The following USP3 variants were observed in gnomAD, a reference collection of about 807,000 sequenced individuals.
USP3 encodes ubiquitin carboxyl-terminal hydrolase 3.
In USP3, 20 loss-of-function variants were observed where a neutral mutation model predicts 72.3. That is an observed-to-expected ratio of 0.28 (90% CI 0.19 to 0.40). USP3 has a LOEUF of 0.40. USP3 is among the 10% of genes least tolerant of loss of function. The probability of loss-of-function intolerance (pLI) is 1.00; values close to 1 mark genes in which losing one functional copy is unlikely to be tolerated. For synonymous variants in USP3, 222 were observed against 225.3 expected (o/e 0.99, Z 0.13); for missense variants, 479 against 633.9 (o/e 0.76, Z 2.62).
chr15:63,585,237 A>G (rs1312771678), intron 11 of USP3, among the ~76,000 whole-genome samples: 2 of 152,158 alleles, frequency 1.3e-5, no homozygotes, highest in Non-Finnish European at 2.9e-5. Flanking sequence ...TGTGAGTTTC[A>G]GGATGGGTTT....
intron 8 of USP3, among the ~76,000 whole-genome samples, chr15:63,567,144 T>C (rs1312137732): frequency 6.6e-6 from 1 of 152,182 alleles, no homozygotes; most frequent in Non-Finnish European, 1.5e-5. Flanking sequence ...AATTTCATTA[T>C]TTGGAACGTC....
Position 63,544,698 on chromosome 15 carries a change from G to A in USP3, c.284+7542G>A, listed in dbSNP as rs1330165434. 8.5e-6 allele frequency: 6 copies of A among 701,790 alleles called. No homozygotes were observed. The highest frequency in any genetic ancestry group is 5.2e-6 in the Non-Finnish European group (2 of 384,656). The allele number at this position is 701,790 out of a possible 1,614,324, so 43.5% of individuals were successfully genotyped here. ...GGAATATTGTTTTGCCATTAAATAA[G>A]TGAATAGTGCGAAATGGAAAATACC... On this transcript the variant is annotated intron_variant, in intron 3 of 14. Transcript: ENST00000380324. This position sits in a 1 kb window ranked among gnomAD's most constrained non-coding sequence, Gnocchi z 4.2.
intron 4 of USP3, among the ~76,000 whole-genome samples, chr15:63,555,291 T>C (rs1293905709): frequency 2.0e-5 from 3 of 151,858 alleles, no homozygotes; most frequent in African/African-American, 7.2e-5. Context: ...ATTTAGAAAC[T>C]ACGATCATAT....
rs570657202 is a variant in USP3, at chr15:63,528,482, A to T, written c.92-4165A>T. On this transcript the variant is annotated intron_variant, in intron 1 of 14. Transcript: ENST00000380324. The surrounding 1 kb of genome is among the most constrained non-coding windows in gnomAD (Gnocchi z 4.3). ...TACCAGCATTTAAGACTAAAAAAATAAACACTTTGGTTTAACATTTTTATG... is the reference window on the plus strand; with the variant it reads ...TACCAGCATTTAAGACTAAAAAAATTAACACTTTGGTTTAACATTTTTATG... 6.6e-6 allele frequency among the ~76,000 whole-genome samples: 1 copy of T among 150,936 alleles called. No individual in the cohort carries two copies. Among genetic ancestry groups the T allele is most frequent in the South Asian group, 2.1e-4 (1 of 4,834 alleles).
At chr15:63,563,874 G>A (rs2152674725) in intron 8 of USP3, among the ~76,000 whole-genome samples, 1 of 152,238 alleles carries the variant, frequency 6.6e-6, no homozygotes, top group South Asian at 2.1e-4. Context: ...TAACTTCAAA[G>A]GACTTTAAAT....
intron 8 of USP3, among the ~76,000 whole-genome samples, chr15:63,568,051 T>C (rs2066720015): frequency 6.6e-6 from 1 of 151,956 alleles, no homozygotes; most frequent in Non-Finnish European, 1.5e-5. Context: ...GAAGGAACAG[T>C]GTTAAAATTG....
chr15:63,534,408 C>T (rs889563103), intron 2 of USP3, among the ~76,000 whole-genome samples: 4 of 152,108 alleles, frequency 2.6e-5, no homozygotes, highest in African/African-American at 9.7e-5. Context: ...TTCTGCTGGT[C>T]TTCATGACAC....
At chr15:63,555,726 T>C (rs2066497110) in intron 4 of USP3, among the ~76,000 whole-genome samples, 1 of 152,126 alleles carries the variant, frequency 6.6e-6, no homozygotes, top group Non-Finnish European at 1.5e-5. Flanking sequence ...CACTATAGAG[T>C]ATGGAATTGG....
chr15:63,518,145 C>T (rs982903593), intron 1 of USP3, among the ~76,000 whole-genome samples: 1 of 152,158 alleles, frequency 6.6e-6, no homozygotes. Context: ...AGAGTTAAAT[C>T]ATTGAACTGA....
Position 63,593,615 on chromosome 15 carries a change from TG to T in USP3, c.*2790del, listed in dbSNP as rs2067243117. 1 of 152,256 alleles carries T rather than the reference TG, an allele frequency of 6.6e-6. No homozygotes were observed. The highest frequency in any genetic ancestry group is 6.5e-5 in the Admixed American group (1 of 15,290). The allele number at this position is 152,256 out of a possible 1,614,324, so 9.4% of individuals were successfully genotyped here. ...TTTGTTTTTATTGGTTGGTTTTACT[TG>T]AACAGAAACGTTTGAATGGTGTGAA... On this transcript the variant is annotated 3_prime_UTR_variant, in exon 15 of 15. Transcript: ENST00000380324.
chr15:63,575,636 GA>G (rs926370481), intron 11 of USP3, among the ~76,000 whole-genome samples: 1 of 152,118 alleles, frequency 6.6e-6, no homozygotes, highest in Non-Finnish European at 1.5e-5. Context: ...TCCTTAACAG[GA>G]ATACAGAAGA....
intron 7 of USP3, among the ~76,000 whole-genome samples, chr15:63,561,588 G>A (rs1468791324): frequency 6.6e-6 from 1 of 152,212 alleles, no homozygotes; most frequent in Non-Finnish European, 1.5e-5. Context: ...AGAGGATTTG[G>A]TGCCATCCCT....
At chr15:63,530,498 A>G (rs771509576) in intron 1 of USP3, 17 of 341,158 alleles carry the variant, frequency 5.0e-5, no homozygotes, top group South Asian at 3.6e-4. Context: ...TTTTTTGTAG[A>G]GATGGAGTTT....
intron 5 of USP3, among the ~76,000 whole-genome samples, chr15:63,557,880 AGATAC>A (rs1336993047): frequency 3.9e-5 from 6 of 152,210 alleles, no homozygotes; most frequent in Non-Finnish European, 7.4e-5. Flanking sequence ...GCTTTCAATA[AGATAC>A]TTCTATTTAG....
chr15:63,522,250 G>C (rs1290547846), intron 1 of USP3, among the ~76,000 whole-genome samples: 1 of 152,218 alleles, frequency 6.6e-6, no homozygotes, highest in Non-Finnish European at 1.5e-5. Flanking sequence ...ACGTCCTCCT[G>C]CATTGCTAGA....
At chr15:63,530,879 A>G (rs2066063918) in intron 1 of USP3, among the ~76,000 whole-genome samples, 1 of 152,218 alleles carries the variant, frequency 6.6e-6, no homozygotes, top group South Asian at 2.1e-4. Context: ...AGTCTTCCCA[A>G]GTACCTGCCT....
intron 3 of USP3, among the ~76,000 whole-genome samples, chr15:63,549,778 C>T (rs1218322772): frequency 6.6e-6 from 1 of 152,176 alleles, no homozygotes; most frequent in Non-Finnish European, 1.5e-5. Context: ...ACTGAGATTT[C>T]TAAAAATCTA....
intron 14 of USP3, 194 bp downstream of exon 14, chr15:63,589,205 GTGAAA>G (rs1477175320): frequency 1.7e-6 from 1 of 597,134 alleles, no homozygotes; most frequent in African/African-American, 1.9e-5. Context: ...GTAAATAAAA[GTGAAA>G]TGAAGAATGG....
intron 8 of USP3, among the ~76,000 whole-genome samples, chr15:63,567,012 A>G (rs2066701307): frequency 6.6e-6 from 1 of 152,214 alleles, no homozygotes; most frequent in Admixed American, 6.5e-5. Context: ...TCTACATACA[A>G]TATATACAGA....
Sources: gnomAD v4.1 joint callset for allele counts (sites outside exome capture counted in the v4.1 genomes callset) on GRCh38, gnomAD v4.1.1 for gene constraint, Gnocchi (gnomAD v3.1) non-coding constraint, MANE v1.5 for transcripts, NCBI Gene and HGNC (gene_info 2026-07-23, HGNC 2026-07-21) for gene names.